The following FHIT variants were observed in gnomAD, a reference collection of about 807,000 sequenced individuals.
FHIT encodes the protein fragile histidine triad diadenosine triphosphatase.
FHIT carries 19 observed loss-of-function variants against 17.9 expected under a neutral mutation model. The observed-to-expected ratio is 1.06, with a 90% CI of 0.74 to 1.56. The LOEUF (loss-of-function observed/expected upper bound fraction) is 1.56, where lower values mean the gene tolerates loss of function less well. Ranked by LOEUF, FHIT falls within the 40% of genes most tolerant of loss-of-function variation. The probability of loss-of-function intolerance (pLI) is 0.00; values close to 1 mark genes in which losing one functional copy is unlikely to be tolerated. For missense variants in FHIT, 248 were observed against 189.2 expected (o/e 1.31, Z -1.82); for synonymous variants, 81 against 69.7 (o/e 1.16, Z -0.81).
rs546092815 is a variant in FHIT, at chr3:60,349,451, T to C, written c.103+187409A>G. On this transcript the variant is annotated intron_variant, in intron 5 of 9. Transcript: ENST00000492590. ...TAAACAATTTGGATTTCCAGATGTT[T>C]TCTGGAATGCTTGCTATTTTGCCTA... Among the ~76,000 whole-genome samples the C allele has an allele frequency of 2.2e-3, 331 of 152,346 alleles. 1 individual carries two copies. Among genetic ancestry groups the C allele is most frequent in the Non-Finnish European group, 3.3e-3 (225 of 68,040 alleles).
chr3:60,357,614 A>G (rs1699728130), intron 5 of FHIT, among the ~76,000 whole-genome samples: 1 of 152,174 alleles, frequency 6.6e-6, no homozygotes, highest in Non-Finnish European at 1.5e-5. Flanking sequence ...ACACTACTTA[A>G]GGATCAATTG....
At chr3:60,381,746 T>A (rs1281460982) in intron 5 of FHIT, among the ~76,000 whole-genome samples, 1 of 152,128 alleles carries the variant, frequency 6.6e-6, no homozygotes, top group Non-Finnish European at 1.5e-5. Context: ...TTTCTTTCCT[T>A]TTTTGTTTTT....
intron 8 of FHIT, among the ~76,000 whole-genome samples, chr3:59,783,103 A>G (rs1421289325): frequency 6.6e-6 from 1 of 152,130 alleles, no homozygotes; most frequent in African/African-American, 2.4e-5. Context: ...CTGATCCCAG[A>G]ATACCCAGAG....
intron 8 of FHIT, among the ~76,000 whole-genome samples, chr3:59,816,895 T>A (rs927696866): frequency 6.6e-6 from 1 of 152,172 alleles, no homozygotes; most frequent in African/African-American, 2.4e-5. Flanking sequence ...CCAAATGAAG[T>A]GACTGAGACT....
intron 5 of FHIT, among the ~76,000 whole-genome samples, chr3:60,252,373 G>A (rs913949748): frequency 4.6e-5 from 7 of 151,780 alleles, no homozygotes; most frequent in South Asian, 2.1e-4. Context: ...GCGAAACCCC[G>A]TCTCTATAAA....
chr3:60,217,125 T>C (rs562477600), intron 5 of FHIT, among the ~76,000 whole-genome samples: 1 of 152,302 alleles, frequency 6.6e-6, no homozygotes, highest in Non-Finnish European at 1.5e-5. Context: ...ATCTGTAAAA[T>C]GATACAGAAT....
rs555931697 is a variant in FHIT at position 60,963,363 on chromosome 3, A to G, written c.-111+78684T>C. Among the ~76,000 whole-genome samples the G allele has an allele frequency of 7.2e-5, 11 of 152,078 alleles. No homozygotes were observed. In the South Asian group the frequency reaches 2.3e-3, roughly 32 times the overall value. The stretch of plus-strand genomic sequence containing the variant: ...TGCTAGTGGTCTATCAATTTTGTTG[A>G]TCTTTTCAAAAAACCAGCTCCTGGA... On this transcript the variant is annotated intron_variant, in intron 3 of 9. Coordinates refer to ENST00000492590, the MANE Select transcript of FHIT (RefSeq NM_002012.4).
intron 5 of FHIT, among the ~76,000 whole-genome samples, chr3:60,089,266 T>C (rs1703628592): frequency 1.3e-5 from 2 of 152,220 alleles, no homozygotes; most frequent in South Asian, 4.1e-4. Flanking sequence ...TTATTTTCTT[T>C]AGAGCACTTA....
At chr3:60,457,138 A>G (rs1010323448) in intron 5 of FHIT, among the ~76,000 whole-genome samples, 1 of 152,178 alleles carries the variant, frequency 6.6e-6, no homozygotes, top group Non-Finnish European at 1.5e-5. Context: ...TCCTAAGCCA[A>G]AAGAACAAAG....
At chr3:60,414,237 T>C (rs1013546816) in intron 5 of FHIT, among the ~76,000 whole-genome samples, 6 of 152,166 alleles carry the variant, frequency 3.9e-5, no homozygotes, top group Admixed American at 3.9e-4. Flanking sequence ...TCTGATTCAG[T>C]AGTTCTGGAG....
At chr3:60,080,431 T>C (rs975595093) in intron 5 of FHIT, among the ~76,000 whole-genome samples, 36 of 152,094 alleles carry the variant, frequency 2.4e-4, no homozygotes, top group African/African-American at 8.0e-4. Context: ...GTAAATAAAA[T>C]ATTTGCATAT....
At chr3:60,823,240 T>G (rs1360735109) in intron 3 of FHIT, among the ~76,000 whole-genome samples, 2 of 152,112 alleles carry the variant, frequency 1.3e-5, no homozygotes, top group Non-Finnish European at 2.9e-5. Flanking sequence ...TTCTAAGGAC[T>G]CTGGAGAAAC....
chr3:59,932,311 C>A (rs1324655507), intron 7 of FHIT, among the ~76,000 whole-genome samples: 1 of 152,164 alleles, frequency 6.6e-6, no homozygotes, highest in Non-Finnish European at 1.5e-5. Context: ...AGCTCTTCCA[C>A]TGAGATTCAG....
At chr3:59,784,362 C>T (rs896367002) in intron 8 of FHIT, among the ~76,000 whole-genome samples, 2 of 152,206 alleles carry the variant, frequency 1.3e-5, no homozygotes, top group Non-Finnish European at 2.9e-5. Context: ...AAATGCAAAT[C>T]AGATGGTGCT....
intron 4 of FHIT, among the ~76,000 whole-genome samples, chr3:60,699,964 G>A (rs1298283502): frequency 6.6e-6 from 1 of 151,646 alleles, no homozygotes; most frequent in Non-Finnish European, 1.5e-5. Context: ...GGCCAACCTG[G>A]TGAAAAAATA....
rs55952211 is a variant in FHIT, at chr3:60,308,870, T to A, written c.103+227990A>T. Among the ~76,000 whole-genome samples the A allele has an allele frequency of 4.3e-3, 661 of 152,208 alleles. 1 individual carries two copies. The highest frequency in any genetic ancestry group is 6.7e-3 in the Non-Finnish European group (456 of 68,008). On this transcript the variant is annotated intron_variant, in intron 5 of 9. Coordinates refer to ENST00000492590, the MANE Select transcript of FHIT (RefSeq NM_002012.4). ...CTCATATTCAAATACAAACAGAGAG[T>A]ATTTAATCACTAACTGTGAGAATAG...
chr3:60,251,544 T>G (rs989606316), intron 5 of FHIT, among the ~76,000 whole-genome samples: 2 of 152,230 alleles, frequency 1.3e-5, no homozygotes, highest in Non-Finnish European at 2.9e-5. Flanking sequence ...CCAAAGTTTA[T>G]ATTTAAAAAT....
intron 3 of FHIT, among the ~76,000 whole-genome samples, chr3:60,963,858 G>A (rs922066941): frequency 6.6e-6 from 1 of 152,170 alleles, no homozygotes; most frequent in African/African-American, 2.4e-5. Flanking sequence ...CGACTATGTG[G>A]TCAGTTTTGG....
intron 4 of FHIT, among the ~76,000 whole-genome samples, chr3:60,663,153 G>T (rs868958648): frequency 1.2e-4 from 9 of 78,158 alleles, no homozygotes; most frequent in East Asian, 4.4e-4. Flanking sequence ...ATTGGGTGGA[G>T]ATATATATCT....
Sources: gnomAD v4.1 joint callset for allele counts (sites outside exome capture counted in the v4.1 genomes callset) on GRCh38, gnomAD v4.1.1 for gene constraint, MANE v1.5 for transcripts, NCBI Gene and HGNC (gene_info 2026-07-23, HGNC 2026-07-21) for gene names.